Variants in DSC3 observed in about 807,000 individuals in gnomAD.
DSC3 encodes desmocollin-3.
In DSC3, 97 loss-of-function variants were observed where a neutral mutation model predicts 89.5. The observed-to-expected ratio is 1.08, with a 90% CI of 0.92 to 1.28. The LOEUF (loss-of-function observed/expected upper bound fraction) is 1.28, where lower values mean the gene tolerates loss of function less well. Ranked by LOEUF, DSC3 falls within the 50% of genes most tolerant of loss-of-function variation. The pLI, the probability that DSC3 is intolerant of heterozygous loss-of-function variation, is 0.00. For missense variants in DSC3, 1,199 were observed against 1,085.3 expected (o/e 1.10, Z -1.47); for synonymous variants, 436 against 384.1 (o/e 1.14, Z -1.58).
chr18:31,013,590 T>C (rs1985140420), intron 9 of DSC3, among the ~76,000 whole-genome samples: 1 of 152,108 alleles, frequency 6.6e-6, no homozygotes, highest in South Asian at 2.1e-4. Flanking sequence ...AGTTAATAGA[T>C]AAGAAGAGCA....
rs144672222 is a variant in DSC3 at position 31,032,341 on chromosome 18, A to G, written c.70-65T>C. 1.4e-3 allele frequency: 1,744 copies of G among 1,265,898 alleles called. 19 individuals carry two copies. In the African/African-American group the frequency reaches 0.023, roughly 17 times the overall value. 78.4% of individuals were successfully genotyped at this position (1,265,898 alleles called of 1,614,324 possible). A position where few individuals can be genotyped will look rare whatever the true frequency, so the allele number is the denominator to read the frequency against. The stretch of plus-strand genomic sequence containing the variant: ...AGATTAAAAAAAACATAATCATATC[A>G]ATAGATGTAAAACAAGCAACTGACA... On this transcript the variant is annotated intron_variant, in intron 1 of 15. Transcript: ENST00000360428.
At chr18:30,996,320 C>T (rs994963295) in intron 15 of DSC3, among the ~76,000 whole-genome samples, 8 of 151,916 alleles carry the variant, frequency 5.3e-5, no homozygotes, top group Non-Finnish European at 1.2e-4. Context: ...CACTTTGTGC[C>T]CCATAAACAT....
chr18:31,018,511 A>G (rs1156538441), intron 8 of DSC3, among the ~76,000 whole-genome samples, 155 bp downstream of exon 8: 1 of 152,200 alleles, frequency 6.6e-6, no homozygotes, highest in Non-Finnish European at 1.5e-5. Flanking sequence ...TAAATAAAAT[A>G]AATTTACATA....
chr18:31,029,748 A>T, intron 3 of DSC3, 120 bp from the exon 4 acceptor site: 10 of 1,272,942 alleles, frequency 7.9e-6, no homozygotes, highest in Non-Finnish European at 1.1e-5. Context: ...AGGCATTTCC[A>T]TGCTGGAGCT....
intron 5 of DSC3, among the ~76,000 whole-genome samples, chr18:31,025,477 T>C (rs1256304276): frequency 6.6e-6 from 1 of 152,124 alleles, no homozygotes; most frequent in Non-Finnish European, 1.5e-5. Flanking sequence ...GATTATCTCA[T>C]AAGCAAAACC....
At chr18:31,007,520 T>G (rs1468173447) in intron 11 of DSC3, among the ~76,000 whole-genome samples, 1 of 152,160 alleles carries the variant, frequency 6.6e-6, no homozygotes, top group Non-Finnish European at 1.5e-5. Context: ...ATAAGATTCC[T>G]AGGCTCCACA....
chr18:31,037,484 A>G (rs1598554975), intron 1 of DSC3, among the ~76,000 whole-genome samples: 1 of 152,268 alleles, frequency 6.6e-6, no homozygotes, highest in East Asian at 1.9e-4. Flanking sequence ...ACCATTATGG[A>G]TTTGTTTCTA....
chr18:31,016,896 C>T (rs989032657), intron 9 of DSC3, among the ~76,000 whole-genome samples: 2 of 152,124 alleles, frequency 1.3e-5, no homozygotes, highest in Non-Finnish European at 2.9e-5. Flanking sequence ...TCCTCCTTCC[C>T]TATCTTATTT....
chr18:31,034,797 T>C (rs150134974), intron 1 of DSC3, among the ~76,000 whole-genome samples: 1 of 152,306 alleles, frequency 6.6e-6, no homozygotes, highest in Non-Finnish European at 1.5e-5. Flanking sequence ...AGGAACAAAG[T>C]AAATTTCCAT....
intron 14 of DSC3, 56 bp downstream of exon 14, chr18:31,001,562 G>A: frequency 1.3e-6 from 2 of 1,583,068 alleles, no homozygotes; most frequent in Non-Finnish European, 1.7e-6. Context: ...ATGAGTTTAT[G>A]AGGATGAATT....
In DSC3 at chr18:31,001,678, T is replaced by C. The variant is rs1199791625; in HGVS notation, c.2175A>G (p.Glu725=). The change falls in exon 14 of 16, where the codon GAA becomes GAG. Residue 725 remains glutamate (E), a synonymous_variant. Coordinates refer to ENST00000360428, the MANE Select transcript of DSC3 (RefSeq NM_001941.5). ...TAATTAAGTTTTGCTGTGCTAAATC[T>C]TCAGGAAAACGTTTCCCTTTAGTTG... ...FGATKGKRFP[E]DLAQQNLIIS... 16 of 1,611,040 alleles carry C rather than the reference T, an allele frequency of 9.9e-6. No homozygotes were observed. In the Admixed American group the frequency reaches 1.5e-4, roughly 15 times the overall value.
chr18:31,034,114 C>A (rs185714), intron 1 of DSC3, among the ~76,000 whole-genome samples: 1 of 152,150 alleles, frequency 6.6e-6, no homozygotes, highest in Non-Finnish European at 1.5e-5. Context: ...CGTGAGCCAC[C>A]GCGCCCGGCC....
At chr18:31,005,845 C>G (rs1984819910) in intron 12 of DSC3, among the ~76,000 whole-genome samples, 2 of 152,090 alleles carry the variant, frequency 1.3e-5, no homozygotes, top group South Asian at 4.1e-4. Context: ...AGACAAACTT[C>G]AGAGGTGGAG....
intron 4 of DSC3, among the ~76,000 whole-genome samples, chr18:31,028,428 A>T (rs1054640833): frequency 1.3e-5 from 2 of 152,186 alleles, no homozygotes; most frequent in African/African-American, 4.8e-5. Flanking sequence ...AAAACTAGCT[A>T]TGATTGGTAC....
intron 2 of DSC3, among the ~76,000 whole-genome samples, 195 bp from the exon 3 acceptor site, chr18:31,031,367 ATT>A (rs1175895700): frequency 6.6e-6 from 1 of 152,184 alleles, no homozygotes; most frequent in Non-Finnish European, 1.5e-5. Context: ...ACAAATAATT[ATT>A]GAGTGTATAT....
intron 1 of DSC3, among the ~76,000 whole-genome samples, chr18:31,038,848 G>A (rs1396510477): frequency 2.6e-5 from 4 of 151,864 alleles, no homozygotes; most frequent in Admixed American, 2.6e-4. Context: ...TGCTGCATAG[G>A]ATATTATTAG....
chr18:31,018,320 T>C, intron 8 of DSC3, 64 bp from the exon 9 acceptor site: 1 of 1,295,012 alleles, frequency 7.7e-7, no homozygotes, highest in Non-Finnish European at 1.1e-6. Context: ...AAAAAAAAGT[T>C]TCTTCCATTC....
chr18:31,022,280 G>T, intron 7 of DSC3, 56 bp downstream of exon 7: 2 of 1,596,448 alleles, frequency 1.3e-6, no homozygotes, highest in Non-Finnish European at 1.7e-6. Context: ...TATAATAAAT[G>T]GGGGAGGGAA....
At chr18:31,012,410 A>ACAGCT (rs1248236062) in intron 9 of DSC3, among the ~76,000 whole-genome samples, 2 of 152,236 alleles carry the variant, frequency 1.3e-5, no homozygotes, top group Non-Finnish European at 2.9e-5. Context: ...CAGAAGGAGA[A>ACAGCT]CAGCTCAGGG....
Sources: allele counts gnomAD v4.1 joint callset (sites outside exome capture counted in the v4.1 genomes callset), GRCh38; gene constraint gnomAD v4.1.1; transcripts MANE v1.5; gene names NCBI Gene and HGNC (gene_info 2026-07-23, HGNC 2026-07-21).